The following TRPM3 variants were observed in gnomAD, a reference collection of about 807,000 sequenced individuals.
TRPM3 encodes the protein transient receptor potential cation channel subfamily M member 3.
TRPM3 carries 77 observed loss-of-function variants against 181.2 expected under a neutral mutation model. That is an observed-to-expected ratio of 0.42 (90% confidence interval 0.35 to 0.51). TRPM3 has a LOEUF of 0.51. TRPM3 is among the 20% of genes least tolerant of loss of function. TRPM3 has a pLI of 0.01. For missense variants in TRPM3, 1,759 were observed against 2,196.7 expected, an observed-to-expected ratio of 0.80 and a Z score of 3.98; for synonymous variants, 745 against 796.4, an observed-to-expected ratio of 0.94 and a Z score of 1.09.
chr9:71,069,557 T>C (rs1374380598), intron 1 of TRPM3, among the ~76,000 whole-genome samples: 1 of 151,720 alleles, frequency 6.6e-6, no homozygotes, highest in South Asian at 2.1e-4. Context: ...ATGACGGGGA[T>C]AGATAGGACA....
chr9:71,182,976 A>G (rs2077484888), intron 1 of TRPM3, among the ~76,000 whole-genome samples: 2 of 152,100 alleles, frequency 1.3e-5, no homozygotes, highest in Non-Finnish European at 2.9e-5. Flanking sequence ...GAAAATTTTT[A>G]AAGCCCATCA....
intron 6 of TRPM3, among the ~76,000 whole-genome samples, chr9:70,809,620 C>A (rs951047088): frequency 1.3e-5 from 2 of 152,108 alleles, no homozygotes; most frequent in Admixed American, 1.3e-4. Flanking sequence ...GTAGGTTATA[C>A]CTTCTAGGTT....
intron 3 of TRPM3, among the ~76,000 whole-genome samples, chr9:70,862,354 G>T (rs1004387054): frequency 6.6e-6 from 1 of 152,140 alleles, no homozygotes; most frequent in Non-Finnish European, 1.5e-5. Flanking sequence ...TGCTTTTTAT[G>T]TGGAATCTTC....
At chr9:70,570,855 A>G (rs1432026731) in intron 22 of TRPM3, among the ~76,000 whole-genome samples, 1 of 152,240 alleles carries the variant, frequency 6.6e-6, no homozygotes, top group African/African-American at 2.4e-5. Context: ...ACATATCTCC[A>G]GGATGGGAAC....
chr9:71,009,884 C>T (rs1471621484), intron 1 of TRPM3, among the ~76,000 whole-genome samples: 1 of 152,094 alleles, frequency 6.6e-6, no homozygotes, highest in Non-Finnish European at 1.5e-5. Flanking sequence ...AACAGATGCA[C>T]ATAGACCAAT....
chr9:70,673,016 A>G (rs551726515), intron 9 of TRPM3, among the ~76,000 whole-genome samples: 1 of 152,304 alleles, frequency 6.6e-6, no homozygotes, highest in Non-Finnish European at 1.5e-5. Flanking sequence ...GTATCTTCCA[A>G]AGCCTAATGT....
intron 1 of TRPM3, among the ~76,000 whole-genome samples, chr9:71,140,315 AG>A (rs2075020307): frequency 6.6e-6 from 1 of 152,164 alleles, no homozygotes; most frequent in Non-Finnish European, 1.5e-5. Context: ...TCACAAACCT[AG>A]GAAGTGGCAG....
intron 1 of TRPM3, among the ~76,000 whole-genome samples, chr9:71,201,568 C>T (rs1221089392): frequency 3.3e-5 from 5 of 152,026 alleles, no homozygotes; most frequent in African/African-American, 7.3e-5. Flanking sequence ...AGGCTTTGTT[C>T]GTTTCTTTTT....
chr9:71,361,445 A>G (rs1031176028), intron 1 of TRPM3, among the ~76,000 whole-genome samples: 27 of 152,216 alleles, frequency 1.8e-4, no homozygotes, highest in Non-Finnish European at 3.7e-4. Flanking sequence ...ATGTATCCAC[A>G]CACACAAGTA....
chr9:70,865,049 G>C (rs4527946), intron 1 of TRPM3, among the ~76,000 whole-genome samples: 61,941 of 142,126 alleles, frequency 0.44, 12,878 homozygotes, highest in Non-Finnish European at 0.47. Context: ...GGGGGGTTGG[G>C]GGGGGGGAGG....
intron 1 of TRPM3, among the ~76,000 whole-genome samples, chr9:71,195,563 G>T (rs1162583611): frequency 6.6e-6 from 1 of 152,004 alleles, no homozygotes; most frequent in African/African-American, 2.4e-5. Context: ...TCCTCAAAGA[G>T]CTAAAAATAG....
At chr9:70,972,848 C>A (rs999049587) in intron 1 of TRPM3, among the ~76,000 whole-genome samples, 3 of 152,050 alleles carry the variant, frequency 2.0e-5, no homozygotes, top group Non-Finnish European at 4.4e-5. Context: ...TTATTATTTT[C>A]TGGGGATGTT....
chr9:70,885,892 A>G (rs2096074412), intron 1 of TRPM3, among the ~76,000 whole-genome samples: 1 of 152,238 alleles, frequency 6.6e-6, no homozygotes, highest in South Asian at 2.1e-4. Context: ...CTTAGCATAG[A>G]AACAGCACAA....
intron 21 of TRPM3, among the ~76,000 whole-genome samples, chr9:70,594,042 T>C (rs929036837): frequency 6.8e-6 from 1 of 147,372 alleles, no homozygotes; most frequent in Non-Finnish European, 1.5e-5. Context: ...ACTTTGCTAG[T>C]AAAAATAGCT....
chr9:70,837,118 T>C (rs2094374673), intron 5 of TRPM3, among the ~76,000 whole-genome samples: 1 of 152,168 alleles, frequency 6.6e-6, no homozygotes, highest in South Asian at 2.1e-4. Flanking sequence ...CAGATACATC[T>C]TATCTAATCT....
chr9:71,114,527 T>A (rs917758260), intron 1 of TRPM3, among the ~76,000 whole-genome samples: 1 of 152,242 alleles, frequency 6.6e-6, no homozygotes, highest in South Asian at 2.1e-4. Context: ...AATATAATTA[T>A]GCTTTTCCAA....
chr9:70,573,760 C>T (rs2053101142), intron 22 of TRPM3, among the ~76,000 whole-genome samples: 1 of 152,180 alleles, frequency 6.6e-6, no homozygotes, highest in South Asian at 2.1e-4. Context: ...AAGACCAGCA[C>T]TGTTAGAGTT....
intron 1 of TRPM3, among the ~76,000 whole-genome samples, chr9:71,148,182 G>A (rs1347696953): frequency 2.6e-5 from 4 of 152,000 alleles, no homozygotes; most frequent in South Asian, 4.2e-4. Flanking sequence ...CCTTAGTTTT[G>A]AGTCCTCAAG....
At chr9:70,743,029 C>G (rs1476792216) in intron 8 of TRPM3, among the ~76,000 whole-genome samples, 1 of 152,136 alleles carries the variant, frequency 6.6e-6, no homozygotes, top group East Asian at 1.9e-4. Flanking sequence ...CACACTATAT[C>G]TGGAGGGTGG....
Sources: allele counts gnomAD v4.1 joint callset (sites outside exome capture counted in the v4.1 genomes callset), GRCh38; gene constraint gnomAD v4.1.1; transcripts MANE v1.5; gene names NCBI Gene and HGNC (gene_info 2026-07-23, HGNC 2026-07-21).